The following NRDE2 variants were observed in gnomAD, a reference collection of about 807,000 sequenced individuals.
NRDE2 encodes the protein NRDE-2, necessary for RNA interference, domain containing.
Under a neutral mutation model 124.2 loss-of-function variants are expected in NRDE2, and 76 were observed. The ratio of observed to expected loss-of-function variants is 0.61; its 90% confidence interval spans 0.51 to 0.74. The LOEUF (loss-of-function observed/expected upper bound fraction) is 0.74, where lower values mean the gene tolerates loss of function less well. NRDE2 is among the 30% of genes least tolerant of loss of function. NRDE2 has a pLI of 0.00. For missense variants in NRDE2, 1,314 were observed against 1,417.3 expected (o/e 0.93, Z 1.17); for synonymous variants, 489 against 528.1 (o/e 0.93, Z 1.01).
intron 1 of NRDE2, among the ~76,000 whole-genome samples, chr14:90,324,218 G>A (rs1885338490): frequency 6.6e-6 from 1 of 152,098 alleles, no homozygotes; most frequent in African/African-American, 2.4e-5. Context: ...TGGGACTGAG[G>A]GGAAATGGGG....
intron 1 of NRDE2, among the ~76,000 whole-genome samples, chr14:90,328,806 C>T (rs114456409): frequency 7.7e-4 from 117 of 152,276 alleles, no homozygotes; most frequent in African/African-American, 1.9e-3. Context: ...ACAAATGACA[C>T]GGTTTCCTCA....
chr14:90,282,853 G>A (rs958026054), intron 12 of NRDE2, among the ~76,000 whole-genome samples: 5 of 152,228 alleles, frequency 3.3e-5, no homozygotes, highest in Non-Finnish European at 7.4e-5. Flanking sequence ...TTTTAGTAGA[G>A]ACAGGGTTTC....
Position 90,302,888 on chromosome 14 carries a change from T to C in NRDE2, c.1243A>G (p.Thr415Ala), listed in dbSNP as rs376388458. 7.4e-6 allele frequency: 12 copies of C among 1,614,032 alleles called. No individual in the cohort carries two copies. Among genetic ancestry groups the C allele is most frequent in the Admixed American group, 3.3e-5 (2 of 60,002 alleles). ...AAAAGGTATTTCTGCCAAAGGGCTG[T>C]ATTATTGGGATGCAAAAATATCAGT... The part of the protein sequence containing the change: ...QKLIFLHPNN[T>A]ALWQKYLLFC... The change falls in exon 6 of 14, where the codon ACA becomes GCA. Residue 415 changes from threonine to alanine, a missense_variant. Thr to Ala is a moderately conservative substitution (Grantham distance 58, BLOSUM62 0). Transcript: ENST00000354366.
intron 9 of NRDE2, among the ~76,000 whole-genome samples, chr14:90,292,105 T>C (rs1331113284): frequency 1.3e-5 from 2 of 152,142 alleles, no homozygotes; most frequent in African/African-American, 4.8e-5. Context: ...ATGTAACAAG[T>C]CACACGGTAA....
intron 4 of NRDE2, among the ~76,000 whole-genome samples, chr14:90,309,983 T>G (rs1343987533): frequency 6.6e-6 from 1 of 152,154 alleles, no homozygotes; most frequent in African/African-American, 2.4e-5. Context: ...AGCCACTCTT[T>G]GTTAGTACAC....
chr14:90,299,959 A>AT (rs1884332977), intron 7 of NRDE2, among the ~76,000 whole-genome samples: 1 of 152,240 alleles, frequency 6.6e-6, no homozygotes, highest in African/African-American at 2.4e-5. Flanking sequence ...AATATGGAAT[A>AT]TTAGTAAATA....
intron 7 of NRDE2, 32 bp downstream of exon 7, chr14:90,301,203 CAGGA>C: frequency 6.2e-7 from 1 of 1,606,652 alleles, no homozygotes; most frequent in Non-Finnish European, 8.5e-7. Flanking sequence ...GAGAAAGAGC[CAGGA>C]AGAGAGAGAT....
intron 9 of NRDE2, among the ~76,000 whole-genome samples, chr14:90,292,227 C>T (rs964916518): frequency 6.6e-6 from 1 of 152,226 alleles, no homozygotes; most frequent in Non-Finnish European, 1.5e-5. Flanking sequence ...ATGGACCCTA[C>T]GGCCAGTCCC....
rs149141901 is a variant in NRDE2 at position 90,288,670 on chromosome 14, C to T, written c.2705G>A (p.Arg902His). The change falls in exon 11 of 14, where the codon CGC becomes CAC. Residue 902 changes from arginine to histidine, a missense_variant. Transcript: ENST00000354366. ...SNPAPTDSCSRLISLAKCFML... is the reference protein window; with the variant it reads ...SNPAPTDSCSHLISLAKCFML... ...GAAGCATTTAGCCAGGCTAATTAGG[C>T]GGCTACAGGAATCGGTGGGAGCTGG... 4.1e-4 allele frequency: 661 copies of T among 1,614,146 alleles called. 1 individual carries two copies. The African/African-American group carries it at 6.6e-3, about 16-fold the overall frequency.
intron 1 of NRDE2, 60 bp from the exon 2 acceptor site, chr14:90,318,173 A>C: frequency 7.5e-7 from 1 of 1,326,790 alleles, no homozygotes; most frequent in Non-Finnish European, 1.1e-6. Flanking sequence ...CTAAAGCAGG[A>C]GATCTATCCA....
At chr14:90,291,655 G>C (rs190078885) in intron 9 of NRDE2, among the ~76,000 whole-genome samples, 80 of 152,274 alleles carry the variant, frequency 5.3e-4, no homozygotes, top group African/African-American at 1.8e-3. Context: ...CCAGTGAGTT[G>C]AGGCTTCCCT....
Position 90,316,042 on chromosome 14 carries a change from A to C in NRDE2, c.407+536T>G, listed in dbSNP as rs150888908. On this transcript the variant is annotated intron_variant, in intron 3 of 13. Transcript: ENST00000354366. Reference sequence around the variant, plus strand: ...CCCAAGGAATGGAAACACTGTAATCATGAGCTGTTTTCCACTGCCTTCGAC... The same window carrying C: ...CCCAAGGAATGGAAACACTGTAATCCTGAGCTGTTTTCCACTGCCTTCGAC... Among the ~76,000 whole-genome samples, 69 of 152,120 alleles carry C rather than the reference A, an allele frequency of 4.5e-4. 1 individual carries two copies. The East Asian group carries it at 0.012, about 27-fold the overall frequency.
rs571807331 is a variant in NRDE2, at chr14:90,278,611, C to A, written c.3370-150G>T. 6.4e-5 allele frequency: 57 copies of A among 893,436 alleles called. 1 individual carries two copies. In the South Asian group the frequency reaches 9.3e-4, roughly 15 times the overall value. The allele number at this position is 893,436 out of a possible 1,614,324, so 55.3% of individuals were successfully genotyped here. A position where few individuals can be genotyped will look rare whatever the true frequency, so the allele number is the denominator to read the frequency against. ...CCCCTTGGCTGAGACTTTCTTAACTCGGGCAGCACTGGGCATGTTCAGGAA... is the reference window on the plus strand; with the variant it reads ...CCCCTTGGCTGAGACTTTCTTAACTAGGGCAGCACTGGGCATGTTCAGGAA... On this transcript the variant is annotated intron_variant, in intron 13 of 13. Coordinates refer to ENST00000354366, the MANE Select transcript of NRDE2 (RefSeq NM_017970.4).
rs959304882 is a variant in NRDE2, at chr14:90,276,980, G to A, written c.*1356C>T. The A allele has an allele frequency of 6.6e-6, 1 of 152,264 alleles. No individual in the cohort carries two copies. Among genetic ancestry groups the A allele is most frequent in the African/African-American group, 2.4e-5 (1 of 41,466 alleles). 9.4% of individuals were successfully genotyped at this position (152,264 alleles called of 1,614,324 possible). ...CAGGAACTCATGACAGTTCAAGCCA[G>A]TTAGCTCTCAGGGAGGGGGAGCAAG... On this transcript the variant is annotated 3_prime_UTR_variant, in exon 14 of 14. Transcript: ENST00000354366.
intron 1 of NRDE2, among the ~76,000 whole-genome samples, chr14:90,319,339 C>T (rs994966412): frequency 1.3e-5 from 2 of 152,182 alleles, no homozygotes; most frequent in Admixed American, 1.3e-4. Flanking sequence ...ATATAATTTA[C>T]ATACCATAAC....
In NRDE2 at chr14:90,279,268, C is replaced by T. The variant is rs550498487; in HGVS notation, c.3298-135G>A. On this transcript the variant is annotated intron_variant, in intron 12 of 13. Transcript: ENST00000354366. ...CTGTGCAGAGGGCCTGGCACCGTCACGGTGGCTGTGGGACAGGGGCAGGTG... is the reference window on the plus strand; with the variant it reads ...CTGTGCAGAGGGCCTGGCACCGTCATGGTGGCTGTGGGACAGGGGCAGGTG... The T allele has an allele frequency of 6.4e-5, 44 of 688,100 alleles. No individual in the cohort carries two copies. In the East Asian group the frequency reaches 7.5e-4, roughly 12 times the overall value. 42.6% of individuals were successfully genotyped at this position (688,100 alleles called of 1,614,324 possible).
At chr14:90,316,085 A>G (rs1031023805) in intron 3 of NRDE2, among the ~76,000 whole-genome samples, 1 of 152,184 alleles carries the variant, frequency 6.6e-6, no homozygotes, top group Non-Finnish European at 1.5e-5. Flanking sequence ...TCTTAAACAA[A>G]TATGAAAAAG....
intron 4 of NRDE2, among the ~76,000 whole-genome samples, chr14:90,312,177 A>G (rs2139701100): frequency 6.6e-6 from 1 of 152,352 alleles, no homozygotes; most frequent in South Asian, 2.1e-4. Context: ...GCACTATGCA[A>G]AGCACCAGGG....
rs184035858 is a variant in NRDE2 at position 90,314,905 on chromosome 14, C to A, written c.407+1673G>T. ...AGCTTGGGGGCTGGGTGCGGTGGCT[C>A]ATGGCTGTAATCCCAGCACTTTGGG... On this transcript the variant is annotated intron_variant, in intron 3 of 13. Coordinates refer to ENST00000354366, the MANE Select transcript of NRDE2 (RefSeq NM_017970.4). Among the ~76,000 whole-genome samples, 58 of 152,094 alleles carry A rather than the reference C, an allele frequency of 3.8e-4. 1 individual carries two copies. The highest frequency in any genetic ancestry group is 1.2e-3 in the African/African-American group (51 of 41,466).
Sources: gnomAD v4.1 joint callset for allele counts (sites outside exome capture counted in the v4.1 genomes callset) on GRCh38, gnomAD v4.1.1 for gene constraint, MANE v1.5 for transcripts, NCBI Gene and HGNC (gene_info 2026-07-23, HGNC 2026-07-21) for gene names.